Variants in PCDH9 observed in about 807,000 individuals in gnomAD.
PCDH9 encodes protocadherin-9.
In PCDH9, 24 loss-of-function variants were observed where a neutral mutation model predicts 70.6. The observed-to-expected ratio is 0.34, with a 90% CI of 0.25 to 0.48. The LOEUF (loss-of-function observed/expected upper bound fraction) is 0.48. Among genes scored for constraint, PCDH9 ranks in the 20% least tolerant of loss-of-function variants. The pLI is 0.99. For missense variants in PCDH9, 1,281 were observed against 1,503.6 expected (o/e 0.85, Z 2.45); for synonymous variants, 562 against 558.5 (o/e 1.01, Z -0.09).
At chr13:66,836,220 CT>C (rs1360394388) in intron 3 of PCDH9, among the ~76,000 whole-genome samples, 1 of 152,118 alleles carries the variant, frequency 6.6e-6, no homozygotes, top group Non-Finnish European at 1.5e-5. Flanking sequence ...TTCTCTTATA[CT>C]CTTGACCCCT....
chr13:66,938,941 C>T (rs1011236997), intron 2 of PCDH9, among the ~76,000 whole-genome samples: 14 of 151,962 alleles, frequency 9.2e-5, no homozygotes, highest in African/African-American at 3.4e-4. Flanking sequence ...AATTTAATTT[C>T]AGAATTGTCT....
At chr13:66,815,603 A>T (rs1426685202) in intron 3 of PCDH9, among the ~76,000 whole-genome samples, 1 of 152,156 alleles carries the variant, frequency 6.6e-6, no homozygotes, top group African/African-American at 2.4e-5. Context: ...AAAGAGAACA[A>T]GACCGTGTCC....
intron 2 of PCDH9, among the ~76,000 whole-genome samples, chr13:67,062,102 C>T (rs548390469): frequency 2.6e-5 from 4 of 152,274 alleles, no homozygotes; most frequent in Non-Finnish European, 5.9e-5. Flanking sequence ...GAAGTGCTCC[C>T]TTGATTCAGC....
At chr13:66,968,007 C>A (rs1393040711) in intron 2 of PCDH9, among the ~76,000 whole-genome samples, 1 of 151,986 alleles carries the variant, frequency 6.6e-6, no homozygotes, top group African/African-American at 2.4e-5. Context: ...AGAGATTTAC[C>A]ACCTCATAAG....
At chr13:66,691,603 G>C (rs1397273209) in intron 3 of PCDH9, among the ~76,000 whole-genome samples, 1 of 151,952 alleles carries the variant, frequency 6.6e-6, no homozygotes, top group Non-Finnish European at 1.5e-5. Context: ...AGATGCCTTT[G>C]CCTCTGAAAA....
chr13:66,308,136 T>A (rs1955500916), intron 4 of PCDH9, among the ~76,000 whole-genome samples: 2 of 152,068 alleles, frequency 1.3e-5, no homozygotes. Flanking sequence ...CTGGGGGCCG[T>A]TAACTGTTTT....
chr13:67,049,213 C>T (rs965650772), intron 2 of PCDH9, among the ~76,000 whole-genome samples: 7 of 152,118 alleles, frequency 4.6e-5, no homozygotes, highest in Non-Finnish European at 5.9e-5. Flanking sequence ...AATTGAACAA[C>T]ATAGGGCTAA....
At chr13:67,047,714 C>A (rs568421777) in intron 2 of PCDH9, among the ~76,000 whole-genome samples, 2 of 152,262 alleles carry the variant, frequency 1.3e-5, no homozygotes, top group East Asian at 3.9e-4. Flanking sequence ...CAAGGTCTAA[C>A]AGCATGCCTC....
intron 3 of PCDH9, among the ~76,000 whole-genome samples, chr13:66,844,508 C>T (rs2081171588): frequency 6.6e-6 from 1 of 151,260 alleles, no homozygotes; most frequent in Admixed American, 6.6e-5. Flanking sequence ...TCATTTGAAC[C>T]TGGGAGGTGG....
intron 4 of PCDH9, among the ~76,000 whole-genome samples, chr13:66,607,372 T>C (rs1323845097): frequency 6.6e-6 from 1 of 152,056 alleles, no homozygotes; most frequent in Non-Finnish European, 1.5e-5. Context: ...ATGGTAATAT[T>C]ATTATTAACG....
intron 4 of PCDH9, among the ~76,000 whole-genome samples, chr13:66,326,399 A>C (rs1356013265): frequency 2.2e-5 from 3 of 134,020 alleles, no homozygotes; most frequent in Non-Finnish European, 4.8e-5. Context: ...TCTTCTTCTA[A>C]AAAAAAAAAA....
chr13:66,689,857 G>A (rs2078457570), intron 3 of PCDH9, among the ~76,000 whole-genome samples: 1 of 152,090 alleles, frequency 6.6e-6, no homozygotes, highest in South Asian at 2.1e-4. Context: ...TTGAGAAAAA[G>A]CAGGGCACAG....
intron 4 of PCDH9, among the ~76,000 whole-genome samples, chr13:66,607,423 A>G (rs1193612627): frequency 1.3e-5 from 2 of 152,094 alleles, no homozygotes; most frequent in Non-Finnish European, 2.9e-5. Flanking sequence ...CTACTTTTCT[A>G]TCATTAAACA....
chr13:66,875,926 A>G (rs550841425), intron 3 of PCDH9, among the ~76,000 whole-genome samples: 2 of 152,100 alleles, frequency 1.3e-5, no homozygotes, highest in Non-Finnish European at 2.9e-5. Flanking sequence ...CTGAAGTCCT[A>G]CCCTTCTCTT....
At chr13:66,656,338 A>G (rs2077929019) in intron 3 of PCDH9, among the ~76,000 whole-genome samples, 1 of 152,214 alleles carries the variant, frequency 6.6e-6, no homozygotes, top group Non-Finnish European at 1.5e-5. Context: ...TTAACAGAGA[A>G]GGCTTGCAAT....
At chr13:66,656,354 T>TA (rs147151012) in intron 3 of PCDH9, among the ~76,000 whole-genome samples, 2 of 152,284 alleles carry the variant, frequency 1.3e-5, no homozygotes, top group East Asian at 3.9e-4. Flanking sequence ...GCAATTTCCA[T>TA]ATTCAGTAGA....
At chr13:67,089,755 C>T (rs145329698) in intron 2 of PCDH9, among the ~76,000 whole-genome samples, 4 of 151,968 alleles carry the variant, frequency 2.6e-5, no homozygotes, top group South Asian at 2.1e-4. Context: ...TTTTCACTTA[C>T]GTTCACCTGC....
intron 2 of PCDH9, among the ~76,000 whole-genome samples, chr13:67,054,100 AC>A (rs1317403680): frequency 6.6e-6 from 1 of 152,122 alleles, no homozygotes; most frequent in Admixed American, 6.6e-5. Context: ...TGGTGAAATA[AC>A]TGGCAAAGAA....
intron 3 of PCDH9, among the ~76,000 whole-genome samples, chr13:66,804,438 T>C (rs958872041): frequency 6.6e-6 from 1 of 152,132 alleles, no homozygotes; most frequent in Non-Finnish European, 1.5e-5. Flanking sequence ...AAGAATAAAT[T>C]TTAAATTATT....
Sources: gnomAD v4.1 joint callset for allele counts (sites outside exome capture counted in the v4.1 genomes callset) on GRCh38, gnomAD v4.1.1 for gene constraint, MANE v1.5 for transcripts, NCBI Gene and HGNC (gene_info 2026-07-23, HGNC 2026-07-21) for gene names.